The following FAM135B variants were observed in gnomAD, a reference collection of about 807,000 sequenced individuals.
FAM135B encodes protein FAM135B.
In FAM135B, 43 loss-of-function variants were observed where a neutral mutation model predicts 127.7. The observed-to-expected ratio is 0.34, with a 90% CI of 0.26 to 0.43. FAM135B has a LOEUF of 0.43. Among genes scored for constraint, FAM135B ranks in the 20% least tolerant of loss-of-function variants. The pLI, the probability that FAM135B is intolerant of heterozygous loss-of-function variation, is 1.00. For missense variants in FAM135B, 1,558 were observed against 1,725.6 expected, an observed-to-expected ratio of 0.90 and a Z score of 1.72; for synonymous variants, 670 against 665.1, an observed-to-expected ratio of 1.01 and a Z score of -0.11.
intron 3 of FAM135B, among the ~76,000 whole-genome samples, chr8:138,285,971 TA>T (rs1824651445): frequency 6.6e-6 from 1 of 152,198 alleles, no homozygotes; most frequent in Non-Finnish European, 1.5e-5. Flanking sequence ...CACCAGGCAC[TA>T]GAGTTATGGC....
chr8:138,192,916 C>T (rs1319298962), intron 9 of FAM135B, among the ~76,000 whole-genome samples: 1 of 152,066 alleles, frequency 6.6e-6, no homozygotes, highest in East Asian at 1.9e-4. Flanking sequence ...CATTTTTATC[C>T]CCATTTACAG....
intron 12 of FAM135B, among the ~76,000 whole-genome samples, chr8:138,164,696 A>C (rs970724470): frequency 2.0e-5 from 3 of 152,120 alleles, no homozygotes; most frequent in Non-Finnish European, 4.4e-5. Flanking sequence ...GTCTTTCCAC[A>C]CTGAACCAGA....
chr8:138,336,527 G>A (rs986009306), intron 2 of FAM135B, among the ~76,000 whole-genome samples: 1 of 152,078 alleles, frequency 6.6e-6, no homozygotes, highest in African/African-American at 2.4e-5. Flanking sequence ...TACATTCCTC[G>A]ACACATACAC....
intron 7 of FAM135B, among the ~76,000 whole-genome samples, chr8:138,197,990 C>T (rs1816799939): frequency 6.6e-6 from 1 of 152,216 alleles, no homozygotes; most frequent in Non-Finnish European, 1.5e-5. Context: ...ACATTGGCCT[C>T]ACAGGTTTGA....
Position 138,151,855 on chromosome 8 carries a change from C to T in FAM135B, c.2620G>A (p.Glu874Lys), listed in dbSNP as rs1256672524. ...ATTTTTAAATTAAGACCTTTGGTTT[C>T]AACACCTGGAGTGTTCTCAGTCCTG... ...DGRTENTPGV[E>K]TKGLNLKIPR... The change falls in exon 13 of 20, where the codon GAA becomes AAA. Residue 874 changes from glutamate (E) to lysine (K), a missense_variant. Physicochemically the swap from Glu to Lys is moderately conservative, Grantham distance 56 (BLOSUM62 1). Coordinates refer to ENST00000395297, the MANE Select transcript of FAM135B (RefSeq NM_015912.4). The T allele has an allele frequency of 6.2e-7, 1 of 1,614,022 alleles. No individual in the cohort carries two copies. Among genetic ancestry groups the T allele is most frequent in the Non-Finnish European group, 8.5e-7 (1 of 1,179,896 alleles).
At position 138,141,286 on chromosome 8, in the gene FAM135B, C is replaced by G. The variant is rs549350663; in HGVS notation, c.3702G>C (p.Arg1234=). ...IRSVLTRPRF[R]YYLNKLHTFL... ...ACGTGTGGAGTTTGTTGAGGTAATA[C>G]CGGAACCGGGGCCGTGTGAGGACCG... Residue 1234 remains arginine (R), a synonymous_variant, in exon 17 of 20, where the codon CGG becomes CGC. Coordinates refer to ENST00000395297, the MANE Select transcript of FAM135B (RefSeq NM_015912.4). The surrounding 1 kb of genome is among the most constrained non-coding windows in gnomAD (Gnocchi z 4.7). The G allele has an allele frequency of 1.2e-6, 2 of 1,614,104 alleles. No homozygotes were observed. The highest frequency in any genetic ancestry group is 1.7e-5 in the Admixed American group (1 of 60,016).
chr8:138,153,709 C>A (rs576909567), intron 12 of FAM135B, among the ~76,000 whole-genome samples: 41 of 152,314 alleles, frequency 2.7e-4, no homozygotes, highest in Middle Eastern at 3.4e-3. Flanking sequence ...AGTCTGAGAT[C>A]GAACTGCAAG....
intron 7 of FAM135B, among the ~76,000 whole-genome samples, chr8:138,212,993 A>G (rs1396615870): frequency 6.6e-6 from 1 of 152,334 alleles, no homozygotes; most frequent in African/African-American, 2.4e-5. Context: ...AAAAATTACT[A>G]AAGAATCACT....
intron 1 of FAM135B, among the ~76,000 whole-genome samples, chr8:138,373,532 G>A (rs1831275340): frequency 6.6e-6 from 1 of 151,248 alleles, no homozygotes. Context: ...TGAAATCTGG[G>A]CTCCTTGAAA....
chr8:138,348,991 C>T (rs930284375), intron 2 of FAM135B, among the ~76,000 whole-genome samples: 2 of 152,346 alleles, frequency 1.3e-5, no homozygotes, highest in Middle Eastern at 3.4e-3. Flanking sequence ...TGGCACCAGA[C>T]TAGATGAGGC....
intron 2 of FAM135B, among the ~76,000 whole-genome samples, chr8:138,321,383 C>T (rs1186187551): frequency 2.0e-5 from 3 of 152,158 alleles, no homozygotes; most frequent in East Asian, 1.9e-4. Flanking sequence ...TGGTGGGACA[C>T]GTTTCAGGGA....
At chr8:138,357,543 T>C (rs1830168990) in intron 2 of FAM135B, among the ~76,000 whole-genome samples, 1 of 152,174 alleles carries the variant, frequency 6.6e-6, no homozygotes, top group Non-Finnish European at 1.5e-5. Context: ...ACAGTATGCA[T>C]ATTTATGTAA....
At chr8:138,278,218 A>G (rs1386809254) in intron 3 of FAM135B, among the ~76,000 whole-genome samples, 3 of 113,850 alleles carry the variant, frequency 2.6e-5, no homozygotes, top group Non-Finnish European at 3.6e-5. Context: ...CTAGGTGTTC[A>G]TTGACACGAG....
rs752123339 is a variant in FAM135B at position 138,152,878 on chromosome 8, C to T, written c.1597G>A (p.Asp533Asn). Reference protein sequence around the residue: ...TSDAGTYPVADVDTSRRSPGP... With the variant: ...TSDAGTYPVANVDTSRRSPGP... ...GGACTCCTTCTAGAAGTATCCACATCTGCCACTGGATATGTCCCAGCATCA... is the reference window on the plus strand; with the variant it reads ...GGACTCCTTCTAGAAGTATCCACATTTGCCACTGGATATGTCCCAGCATCA... The change falls in exon 13 of 20, where the codon GAT becomes AAT. Residue 533 changes from aspartate to asparagine, a missense_variant. Physicochemically the swap from Asp to Asn is conservative, Grantham distance 23. This residue lies in a region of FAM135B where 923 missense variants were observed against 865.3 expected (regional missense o/e 1.07). Coordinates refer to ENST00000395297, the MANE Select transcript of FAM135B (RefSeq NM_015912.4). 2.5e-6 allele frequency: 4 copies of T among 1,614,210 alleles called. No individual in the cohort carries two copies. The South Asian group carries it at 3.3e-5, about 13-fold the overall frequency.
At chr8:138,409,479 A>C (rs1833727264) in intron 1 of FAM135B, among the ~76,000 whole-genome samples, 1 of 152,150 alleles carries the variant, frequency 6.6e-6, no homozygotes, top group African/African-American at 2.4e-5. Flanking sequence ...CAAAGTGAGC[A>C]CATGCTGTTG....
intron 4 of FAM135B, among the ~76,000 whole-genome samples, chr8:138,264,066 C>A (rs1208537535): frequency 6.6e-6 from 1 of 152,216 alleles, no homozygotes; most frequent in East Asian, 1.9e-4. Flanking sequence ...GCTCCTTTCC[C>A]CTCCCTCTCT....
intron 7 of FAM135B, among the ~76,000 whole-genome samples, chr8:138,225,801 T>A (rs181732693): frequency 6.6e-6 from 1 of 152,266 alleles, no homozygotes. Context: ...AGTCATGAGT[T>A]GTGAGCAGGG....
intron 7 of FAM135B, among the ~76,000 whole-genome samples, chr8:138,230,023 C>T (rs191337913): frequency 2.0e-5 from 3 of 152,274 alleles, no homozygotes; most frequent in East Asian, 1.9e-4. Flanking sequence ...AAAGGCACCA[C>T]AGAAAGAGGT....
intron 1 of FAM135B, among the ~76,000 whole-genome samples, chr8:138,442,559 C>G (rs548598179): frequency 6.6e-6 from 1 of 151,798 alleles, no homozygotes; most frequent in African/African-American, 2.4e-5. Context: ...TCAACCTGAC[C>G]TCTACCACCA....
Sources: gnomAD v4.1 joint callset for allele counts (sites outside exome capture counted in the v4.1 genomes callset) on GRCh38, gnomAD v4.1.1 for gene constraint, gnomAD v4.1.1 regional missense constraint, Gnocchi (gnomAD v3.1) non-coding constraint, MANE v1.5 for transcripts, NCBI Gene and HGNC (gene_info 2026-07-23, HGNC 2026-07-21) for gene names.